The following STK11IP variants were observed in gnomAD, a reference collection of about 807,000 sequenced individuals.
STK11IP encodes serine/threonine kinase 11 interacting protein.
Under a neutral mutation model 131.7 loss-of-function variants are expected in STK11IP, and 103 were observed. The ratio of observed to expected loss-of-function variants is 0.78; its 90% CI spans 0.67 to 0.92. The LOEUF (loss-of-function observed/expected upper bound fraction) is 0.92. Among genes scored for constraint, STK11IP ranks in the 40% least tolerant of loss-of-function variants. The pLI is 0.00. For missense variants in STK11IP, 1,315 were observed against 1,385.7 expected, an observed-to-expected ratio of 0.95 and a Z score of 0.81; for synonymous variants, 557 against 575.6, an observed-to-expected ratio of 0.97 and a Z score of 0.46.
chr2:219,601,033 G>A (rs1215832384), intron 2 of STK11IP, among the ~76,000 whole-genome samples: 2 of 152,194 alleles, frequency 1.3e-5, no homozygotes, highest in African/African-American at 4.8e-5. Flanking sequence ...TCATCAGGCT[G>A]AATGAAATGT....
rs772189920 is a variant in STK11IP, at chr2:219,608,690, C to A, written c.1711C>A (p.Leu571Ile). ...VTSAHLFEVE[L>I]QAARTLERLE... ...TTCTGCCCACCTGTTTGAGGTGGAA[C>A]TCCAAGCAGCTCGCACCTTGGAGCG... The change falls in exon 15 of 25, where the codon CTC (leucine) becomes ATC (isoleucine). Residue 571 changes from leucine (L) to isoleucine (I), a missense_variant. Transcript: ENST00000456909. 1.2e-6 allele frequency: 2 copies of A among 1,613,678 alleles called. No homozygotes were observed. Among genetic ancestry groups the A allele is most frequent in the South Asian group, 1.1e-5 (1 of 91,068 alleles).
intron 17 of STK11IP, 77 bp from the exon 18 acceptor site, chr2:219,611,527 A>T: frequency 8.0e-7 from 1 of 1,255,820 alleles, no homozygotes; most frequent in Non-Finnish European, 1.2e-6. Context: ...GAGCATGGGG[A>T]AGGAGCATCG....
intron 15 of STK11IP, 113 bp from the exon 16 acceptor site, chr2:219,608,984 C>A: frequency 9.3e-7 from 1 of 1,070,764 alleles, no homozygotes; most frequent in Non-Finnish European, 1.4e-6. Flanking sequence ...GACGTCAGTA[C>A]AGGCCTTTGA....
In STK11IP at chr2:219,616,306, G is replaced by A. The variant is rs1325543723; in HGVS notation, c.*113G>A. 2.9e-6 allele frequency: 4 copies of A among 1,381,194 alleles called. No individual in the cohort carries two copies. The highest frequency in any genetic ancestry group is 1.5e-5 in the South Asian group (1 of 68,482). 85.6% of individuals were successfully genotyped at this position (1,381,194 alleles called of 1,614,324 possible). ...GGCTGTGGATGTCTTCAGCCTCTGG[G>A]TGCTGGCCAGTGAGGTCCCAAATGA... On this transcript the variant is annotated 3_prime_UTR_variant, in exon 25 of 25. Transcript: ENST00000456909.
At chr2:219,607,029 ACTT>A in intron 12 of STK11IP, 21 bp from the exon 13 acceptor site, 1 of 1,613,522 alleles carries the variant, frequency 6.2e-7, no homozygotes, top group Non-Finnish European at 8.5e-7. Flanking sequence ...CTTTCACAGA[ACTT>A]CTTCCCTCCA....
At chr2:219,609,602 C>T (rs1324477294) in intron 17 of STK11IP, 62 bp downstream of exon 17, 3 of 1,543,116 alleles carry the variant, frequency 1.9e-6, no homozygotes, top group African/African-American at 1.4e-5. Context: ...GAAAGTGGCT[C>T]TGTGTAGGGG....
Position 219,597,926 on chromosome 2 carries a change from AT to A in STK11IP, c.-27+4del, listed in dbSNP as rs763961825. 9 of 1,612,040 alleles carry A rather than the reference AT, an allele frequency of 5.6e-6. No individual in the cohort carries two copies. Reference sequence around the variant, plus strand: ...GGAGGACCAGACGGGGAGGTTCGGTATGTCTGACCAGGACTTATGTTCCTCG... The same window carrying A: ...GGAGGACCAGACGGGGAGGTTCGGTAGTCTGACCAGGACTTATGTTCCTCG... On this transcript the variant is annotated splice_donor_region_variant and intron_variant, in intron 1 of 24. Transcript: ENST00000456909.
chr2:219,605,918 A>G, intron 8 of STK11IP, 38 bp from the exon 9 acceptor site: 2 of 1,546,576 alleles, frequency 1.3e-6, no homozygotes, highest in Non-Finnish European at 1.8e-6. Context: ...GCGTGTACTC[A>G]TCCACATGCT....
Position 219,616,166 on chromosome 2 carries a change from C to A in STK11IP, c.3240C>A (p.Ile1080=). 3 of 1,613,626 alleles carry A rather than the reference C, an allele frequency of 1.9e-6. No homozygotes were observed. The highest frequency in any genetic ancestry group is 2.5e-6 in the Non-Finnish European group (3 of 1,179,854). The change falls in exon 25 of 25, where the codon ATC becomes ATA. Residue 1080 remains isoleucine (I), a synonymous_variant. Coordinates refer to ENST00000456909, the MANE Select transcript of STK11IP (RefSeq NM_052902.4). ...ELFSIGLRTV[I]QEALALDR The stretch of plus-strand genomic sequence containing the variant: ...TTTCCATCGGACTCCGGACAGTGAT[C>A]CAAGAGGCGCTGGCCCTTGACCGAT...
intron 12 of STK11IP, 52 bp downstream of exon 12, chr2:219,606,910 G>A: frequency 6.3e-7 from 1 of 1,589,856 alleles, no homozygotes; most frequent in Non-Finnish European, 8.6e-7. Flanking sequence ...TCTCTCCGGG[G>A]ACTCTGGGCT....
At chr2:219,599,910 G>A (rs1697924079) in intron 2 of STK11IP, among the ~76,000 whole-genome samples, 1 of 151,618 alleles carries the variant, frequency 6.6e-6, no homozygotes, top group African/African-American at 2.4e-5. Context: ...ACTAATTTTT[G>A]TATTTTTAGT....
intron 17 of STK11IP, among the ~76,000 whole-genome samples, chr2:219,610,525 C>T (rs948423644): frequency 6.6e-6 from 1 of 152,154 alleles, no homozygotes; most frequent in Non-Finnish European, 1.5e-5. Context: ...GCCTCAGCCT[C>T]GCAAGTAGCT....
Position 219,609,114 on chromosome 2 carries a change from T to C in STK11IP, c.1827T>C (p.Pro609=), listed in dbSNP as rs1698303056. The change falls in exon 16 of 25, where the codon CCT becomes CCC. Residue 609 remains proline (P), a synonymous_variant. Transcript: ENST00000456909. Reference sequence around the variant, plus strand: ...CTGCGCAGGGCTCAGATCTGCTCCCTGGAGCCCCCATCCTCAGTCTGCGCT... The same window carrying C: ...CTGCGCAGGGCTCAGATCTGCTCCCCGGAGCCCCCATCCTCAGTCTGCGCT... ...SPRPTGSDLL[P]GAPILSLRFS... 6 of 1,602,762 alleles carry C rather than the reference T, an allele frequency of 3.7e-6. No individual in the cohort carries two copies. The highest frequency in any genetic ancestry group is 5.1e-6 in the Non-Finnish European group (6 of 1,174,818).
rs1302604414 is a variant in STK11IP, at chr2:219,611,189, A to G, written c.2105-415A>G. ...GAGCCATTAATTGATGGAGCCTGGAATTGGACCGAAATTTGGCAACAGAGT... is the reference window on the plus strand; with the variant it reads ...GAGCCATTAATTGATGGAGCCTGGAGTTGGACCGAAATTTGGCAACAGAGT... On this transcript the variant is annotated intron_variant, in intron 17 of 24. Transcript: ENST00000456909. 5.3e-5 allele frequency among the ~76,000 whole-genome samples: 8 copies of G among 152,338 alleles called. No homozygotes were observed. The East Asian group carries it at 1.4e-3, about 26-fold the overall frequency.
Position 219,615,162 on chromosome 2 carries a change from G to C in STK11IP, c.2938G>C (p.Ala980Pro). The change falls in exon 24 of 25, where the codon GCA becomes CCA. Residue 980 changes from alanine to proline, a missense_variant. Physicochemically the swap from Ala to Pro is conservative, Grantham distance 27 (BLOSUM62 -1). Transcript: ENST00000456909. ...CCTGTTCCTGTTAGATGAGGATGCT[G>C]CAGGGTCCCCGGCAGAGCCCTCTCC... ...STLFLLDEDA[A>P]GSPAEPSPPA... The C allele has an allele frequency of 6.2e-7, 1 of 1,604,914 alleles. No individual in the cohort carries two copies. The highest frequency in any genetic ancestry group is 8.5e-7 in the Non-Finnish European group (1 of 1,177,502).
chr2:219,606,689 TC>T (rs768298644), intron 11 of STK11IP, 22 bp from the exon 12 acceptor site: 3 of 1,599,544 alleles, frequency 1.9e-6, no homozygotes, highest in Non-Finnish European at 2.6e-6. Flanking sequence ...AACCTCTCTC[TC>T]CTTCCTGTCG....
Position 219,606,674 on chromosome 2 carries a change from G to A in STK11IP, c.988-38G>A, listed in dbSNP as rs756414282. On this transcript the variant is annotated intron_variant, in intron 11 of 24. Coordinates refer to ENST00000456909, the MANE Select transcript of STK11IP (RefSeq NM_052902.4). ...TTGGGCAAGGCAGAGGTGCTCCCAGGCTCCAACCTCTCTCTCCTTCCTGTC... is the reference window on the plus strand; with the variant it reads ...TTGGGCAAGGCAGAGGTGCTCCCAGACTCCAACCTCTCTCTCCTTCCTGTC... 3.1e-6 allele frequency: 5 copies of A among 1,595,974 alleles called. No individual in the cohort carries two copies. The Admixed American group carries it at 8.5e-5, about 27-fold the overall frequency.
chr2:219,602,149 G>T (rs1001129387), intron 5 of STK11IP, 66 bp downstream of exon 5: 1 of 1,203,088 alleles, frequency 8.3e-7, no homozygotes, highest in Non-Finnish European at 1.2e-6. Context: ...AAGCTCTGAT[G>T]TTCTCCCCTC....
At chr2:219,605,538 G>T in intron 7 of STK11IP, 70 bp from the exon 8 acceptor site, 1 of 1,504,398 alleles carries the variant, frequency 6.6e-7, no homozygotes, top group African/African-American at 1.4e-5. Context: ...TAGTCCAGAA[G>T]AGGTCTCAGA....
Sources: allele counts gnomAD v4.1 joint callset (sites outside exome capture counted in the v4.1 genomes callset), GRCh38; gene constraint gnomAD v4.1.1; transcripts MANE v1.5; gene names NCBI Gene and HGNC (gene_info 2026-07-23, HGNC 2026-07-21).